CCBE1: variants seen among roughly 807,000 people sequenced by gnomAD.
The protein encoded by CCBE1 is collagen and calcium binding EGF domains 1.
A neutral mutation model predicts 50.0 loss-of-function variants in CCBE1; 37 were observed. The observed-to-expected ratio is 0.74, with a 90% CI of 0.57 to 0.97. The LOEUF is 0.97. CCBE1 is among the 50% of genes least tolerant of loss of function. CCBE1 has a pLI of 0.00. For synonymous variants in CCBE1, 234 were observed against 203.7 expected (o/e 1.15, Z -1.27); for missense variants, 538 against 523.8 (o/e 1.03, Z -0.26).
chr18:59,514,192 CA>C (rs1482922957), intron 2 of CCBE1, among the ~76,000 whole-genome samples: 3 of 152,196 alleles, frequency 2.0e-5, no homozygotes, highest in Non-Finnish European at 4.4e-5. Flanking sequence ...TCATCCCAAA[CA>C]GTTACGGATC....
intron 2 of CCBE1, among the ~76,000 whole-genome samples, chr18:59,526,881 T>C (rs1432743093): frequency 1.3e-5 from 2 of 152,356 alleles, no homozygotes; most frequent in Non-Finnish European, 2.9e-5. Context: ...AGAATGTTTT[T>C]ATGATTTCAG....
At chr18:59,668,380 G>A (rs999770209) in intron 2 of CCBE1, among the ~76,000 whole-genome samples, 4 of 151,676 alleles carry the variant, frequency 2.6e-5, no homozygotes, top group Admixed American at 1.3e-4. Context: ...TCACACCACT[G>A]CACTCCAGCC....
intron 2 of CCBE1, among the ~76,000 whole-genome samples, chr18:59,653,571 T>C (rs1488941157): frequency 1.3e-5 from 2 of 152,206 alleles, no homozygotes; most frequent in African/African-American, 4.8e-5. Context: ...AGTGCCATGA[T>C]TTCTGCTGAG....
intron 2 of CCBE1, among the ~76,000 whole-genome samples, chr18:59,509,580 C>T (rs866713166): frequency 1.3e-5 from 2 of 152,062 alleles, no homozygotes; most frequent in South Asian, 2.1e-4. Context: ...AACCAGAAAC[C>T]CTCAGGGGCA....
intron 2 of CCBE1, among the ~76,000 whole-genome samples, chr18:59,500,502 A>C (rs1913567528): frequency 6.6e-6 from 1 of 152,150 alleles, no homozygotes; most frequent in African/African-American, 2.4e-5. Context: ...CAGCAGGTTC[A>C]GGCCCAGGAC....
chr18:59,482,646 T>A (rs953108968), intron 2 of CCBE1, among the ~76,000 whole-genome samples: 1 of 152,198 alleles, frequency 6.6e-6, no homozygotes, highest in African/African-American at 2.4e-5. Flanking sequence ...GTTGGTTAAA[T>A]GGACCTATAT....
intron 2 of CCBE1, among the ~76,000 whole-genome samples, chr18:59,617,907 T>C (rs540783605): frequency 6.6e-6 from 1 of 152,294 alleles, no homozygotes; most frequent in East Asian, 1.9e-4. Context: ...AGTATGTGAC[T>C]TTCATATCAT....
chr18:59,505,029 C>G (rs1913804799), intron 2 of CCBE1, among the ~76,000 whole-genome samples: 1 of 152,206 alleles, frequency 6.6e-6, no homozygotes, highest in Non-Finnish European at 1.5e-5. Flanking sequence ...GGATTCACTT[C>G]TCTGCACCCT....
chr18:59,688,824 T>C (rs764535374), intron 2 of CCBE1, among the ~76,000 whole-genome samples: 2 of 151,948 alleles, frequency 1.3e-5, no homozygotes, highest in Non-Finnish European at 1.5e-5. Flanking sequence ...CACTGTAATA[T>C]AAATAAGGTG....
intron 2 of CCBE1, among the ~76,000 whole-genome samples, chr18:59,552,912 C>T (rs531807999): frequency 6.6e-6 from 1 of 152,268 alleles, no homozygotes; most frequent in South Asian, 2.1e-4. Context: ...ATGTAGCTGT[C>T]CCACCTGTCC....
At chr18:59,582,564 ACTC>A (rs2053101343) in intron 2 of CCBE1, among the ~76,000 whole-genome samples, 1 of 152,108 alleles carries the variant, frequency 6.6e-6, no homozygotes, top group South Asian at 2.1e-4. Flanking sequence ...AGGCTCTTCA[ACTC>A]CTCATCATAC....
At chr18:59,618,107 G>T (rs772102446) in intron 2 of CCBE1, among the ~76,000 whole-genome samples, 3 of 152,106 alleles carry the variant, frequency 2.0e-5, no homozygotes, top group Non-Finnish European at 2.9e-5. Context: ...CATAACGATG[G>T]ATTAACGTTC....
intron 2 of CCBE1, among the ~76,000 whole-genome samples, chr18:59,577,227 C>T (rs73961261): frequency 6.6e-6 from 1 of 152,102 alleles, no homozygotes. Flanking sequence ...TGGGGCCATG[C>T]GAACTTAGGC....
At chr18:59,598,762 T>G (rs969139513) in intron 2 of CCBE1, among the ~76,000 whole-genome samples, 4 of 152,200 alleles carry the variant, frequency 2.6e-5, no homozygotes, top group African/African-American at 9.6e-5. Context: ...GATGGGCATA[T>G]GTCCCAAGCT....
At chr18:59,648,802 C>T (rs2054089826) in intron 2 of CCBE1, among the ~76,000 whole-genome samples, 1 of 152,200 alleles carries the variant, frequency 6.6e-6, no homozygotes, top group African/African-American at 2.4e-5. Context: ...GCACCACAGC[C>T]CAGACCTTGG....
intron 2 of CCBE1, among the ~76,000 whole-genome samples, chr18:59,620,306 T>C (rs956938806): frequency 2.6e-5 from 4 of 152,130 alleles, no homozygotes; most frequent in African/African-American, 9.7e-5. Flanking sequence ...TTTCTAGGAC[T>C]TTCTAGGAGC....
chr18:59,554,438 G>T (rs1004676546), intron 2 of CCBE1, among the ~76,000 whole-genome samples: 1 of 152,116 alleles, frequency 6.6e-6, no homozygotes, highest in South Asian at 2.1e-4. Flanking sequence ...CTACATGATG[G>T]TATGACTTAA....
chr18:59,581,044 A>T (rs568970615), intron 2 of CCBE1, among the ~76,000 whole-genome samples: 5 of 152,362 alleles, frequency 3.3e-5, no homozygotes, highest in African/African-American at 1.2e-4. Flanking sequence ...AACTGAAGTG[A>T]CAACTTTTCA....
At chr18:59,441,593 T>TA (rs1447114320) in intron 7 of CCBE1, among the ~76,000 whole-genome samples, 1 of 152,104 alleles carries the variant, frequency 6.6e-6, no homozygotes, top group Non-Finnish European at 1.5e-5. Context: ...ATATGGGCTT[T>TA]AAAATAACAG....
Sources: allele counts gnomAD v4.1 joint callset (sites outside exome capture counted in the v4.1 genomes callset), GRCh38; gene constraint gnomAD v4.1.1; transcripts MANE v1.5; gene names NCBI Gene and HGNC (gene_info 2026-07-23, HGNC 2026-07-21).